TAAR5: variants seen among roughly 807,000 people sequenced by gnomAD.
TAAR5 encodes the protein trace amine-associated receptor 5.
A neutral mutation model predicts 21.1 loss-of-function variants in TAAR5; 27 were observed. The observed-to-expected ratio is 1.28, with a 90% CI of 0.94 to 1.76. The LOEUF (loss-of-function observed/expected upper bound fraction) is 1.76. Ranked by LOEUF, TAAR5 falls within the 40% of genes most tolerant of loss-of-function variation. The pLI is 0.00. For synonymous variants in TAAR5, 203 were observed against 167.5 expected, an observed-to-expected ratio of 1.21 and a Z score of -1.64; for missense variants, 495 against 405.6, an observed-to-expected ratio of 1.22 and a Z score of -1.89.
Position 132,589,315 on chromosome 6 carries a change from A to G in TAAR5, c.372T>C (p.His124=), listed in dbSNP as rs369079294. Residue 124 remains histidine (H), a synonymous_variant, in exon 1 of 1, where the codon CAT becomes CAC. Transcript: ENST00000258034. ...GGCGGTCAATGGAAATGAAACAGAG[A>G]TGGAAGATGGAGGTGAGGCAGAAGA... The part of the protein sequence containing the change: ...DTLFCLTSIF[H]LCFISIDRHC... 52 of 1,613,476 alleles carry G rather than the reference A, an allele frequency of 3.2e-5. No individual in the cohort carries two copies. The highest frequency in any genetic ancestry group is 5.5e-5 in the South Asian group (5 of 90,966).
the TAAR5 span, among the ~76,000 whole-genome samples, chr6:132,615,395 T>C: frequency 0.094 from 14,323 of 152,202 alleles, 1,732 homozygotes; most frequent in African/African-American, 0.28. Flanking sequence ...TGAGAGAATT[T>C]TTATTTTTAC....
chr6:132,610,054 TG>T, the TAAR5 span, among the ~76,000 whole-genome samples: 2 of 152,180 alleles, frequency 1.3e-5, no homozygotes, highest in African/African-American at 4.8e-5. Context: ...GTTCCATCCC[TG>T]AGAGACCAAT....
the TAAR5 span, among the ~76,000 whole-genome samples, chr6:132,603,046 G>A: frequency 2.0e-5 from 3 of 151,966 alleles, no homozygotes; most frequent in Non-Finnish European, 4.4e-5. Context: ...AGTGGCTCAA[G>A]CCTGTAATCA....
chr6:132,602,380 C>T, the TAAR5 span, among the ~76,000 whole-genome samples: 2 of 152,110 alleles, frequency 1.3e-5, no homozygotes, highest in African/African-American at 4.8e-5. Flanking sequence ...TGATGGGAGA[C>T]AGTGACAGAT....
At chr6:132,600,460 G>A in the TAAR5 span, among the ~76,000 whole-genome samples, 2 of 152,238 alleles carry the variant, frequency 1.3e-5, 1 homozygote, top group East Asian at 3.9e-4. Flanking sequence ...TAATGCACAG[G>A]CTCTGAACTC....
the TAAR5 span, among the ~76,000 whole-genome samples, chr6:132,598,072 C>T: frequency 9.9e-5 from 15 of 152,194 alleles, no homozygotes; most frequent in Admixed American, 5.2e-4. Context: ...TAGGGGAGGA[C>T]GTATCATACC....
chr6:132,596,864 A>G, the TAAR5 span, among the ~76,000 whole-genome samples: 3 of 152,242 alleles, frequency 2.0e-5, no homozygotes, highest in South Asian at 2.1e-4. Flanking sequence ...AAATCTTAAT[A>G]TCTAATATTT....
upstream of TAAR5, among the ~76,000 whole-genome samples, chr6:132,593,928 C>T (rs935917216): frequency 1.3e-5 from 2 of 152,184 alleles, no homozygotes; most frequent in Admixed American, 6.5e-5. Context: ...CACTAGCATG[C>T]TCCATAACTC....
At position 132,588,676 on chromosome 6, in the gene TAAR5, T is replaced by C. The variant is rs1433809535; in HGVS notation, c.1011A>G (p.Glu337=). Residue 337 remains glutamate (E), a synonymous_variant, in exon 1 of 1, where the codon GAA becomes GAG. Transcript: ENST00000258034. ...PQTRTVDLYQ[E] ...TGCCTGCATTTAGTAGAAGGAATCA[T>C]TCTTGGTACAAATCAACAGTGCGTG... 6.2e-7 allele frequency: 1 copy of C among 1,609,240 alleles called. No individual in the cohort carries two copies. The highest frequency in any genetic ancestry group is 8.5e-7 in the Non-Finnish European group (1 of 1,177,160).
At position 132,589,406 on chromosome 6, in the gene TAAR5, C is replaced by A. The variant is rs201248908; in HGVS notation, c.281G>T (p.Arg94Leu). 6.2e-7 allele frequency: 1 copy of A among 1,614,046 alleles called. No individual in the cohort carries two copies. The highest frequency in any genetic ancestry group is 1.7e-4 in the Middle Eastern group (1 of 6,056). The change falls in exon 1 of 1, where the codon CGC becomes CTC. Residue 94 changes from arginine to leucine, a missense_variant. Transcript: ENST00000258034. ...GLLVLPLSTI[R>L]SVESCWFFGD... ...GAAGAACCAGCAGCTCTCCACTGAG[C>A]GAATGGTGCTGAGGGGCAGCACCAG... is the stretch of plus-strand genomic sequence containing the variant.
chr6:132,597,836 G>A, the TAAR5 span, among the ~76,000 whole-genome samples: 467 of 152,236 alleles, frequency 3.1e-3, 5 homozygotes, highest in African/African-American at 0.011. Flanking sequence ...AGTTCTTTAA[G>A]GGAGAAGACG....
chr6:132,615,316 AT>A, the TAAR5 span, among the ~76,000 whole-genome samples: 2 of 152,188 alleles, frequency 1.3e-5, no homozygotes, highest in Non-Finnish European at 2.9e-5. Context: ...GGGAGGAATA[AT>A]TGTCTGAATC....
chr6:132,608,669 T>C, the TAAR5 span: 1 of 455,976 alleles, frequency 2.2e-6, no homozygotes, highest in Admixed American at 2.3e-5. Context: ...AAGAAACATG[T>C]AGTGAACAAT....
chr6:132,605,871 A>T, the TAAR5 span, among the ~76,000 whole-genome samples: 270 of 152,302 alleles, frequency 1.8e-3, 2 homozygotes, highest in African/African-American at 6.3e-3. Flanking sequence ...GCCCAAAAAC[A>T]GTTGATTGGA....
chr6:132,608,516 C>T, the TAAR5 span: 1 of 455,048 alleles, frequency 2.2e-6, no homozygotes, highest in Non-Finnish European at 4.4e-6. Flanking sequence ...AGTGTCTTCG[C>T]TGCTTTCCTG....
chr6:132,589,097 T>C lies in TAAR5; in HGVS notation c.590A>G (p.Asn197Ser), dbSNP rs1349155921. Residue 197 changes from asparagine to serine, a missense_variant, in exon 1 of 1, where the codon AAT becomes AGT. Transcript: ENST00000258034. Reference protein sequence around the residue: ...PCVGSCQLLLNKFWGWLNFPL... With the variant: ...PCVGSCQLLLSKFWGWLNFPL... ...GAAGTTTAACCAGCCCCAAAATTTA[T>C]TGAGCAGCAGCTGGCAACTGCCCAC... 6.2e-7 allele frequency: 1 copy of C among 1,614,048 alleles called. No individual in the cohort carries two copies. Among genetic ancestry groups the C allele is most frequent in the East Asian group, 2.2e-5 (1 of 44,838 alleles).
chr6:132,606,300 G>A, the TAAR5 span, among the ~76,000 whole-genome samples: 2 of 152,036 alleles, frequency 1.3e-5, no homozygotes, highest in African/African-American at 2.4e-5. Flanking sequence ...AAATAAATAA[G>A]TAGAGAAACA....
chr6:132,611,051 G>T, the TAAR5 span, among the ~76,000 whole-genome samples: 826 of 152,218 alleles, frequency 5.4e-3, 54 homozygotes, highest in East Asian at 0.14. Flanking sequence ...TGCAGTCCTG[G>T]GACATGCCTG....
upstream of TAAR5, chr6:132,594,265 C>G (rs2114581138): frequency 6.6e-6 from 1 of 152,196 alleles, no homozygotes; most frequent in South Asian, 2.1e-4. Context: ...ATAACTCCTA[C>G]CTAGATGTTC....
Sources: gnomAD v4.1 joint callset for allele counts (sites outside exome capture counted in the v4.1 genomes callset) on GRCh38, gnomAD v4.1.1 for gene constraint, MANE v1.5 for transcripts, NCBI Gene and HGNC (gene_info 2026-07-23, HGNC 2026-07-21) for gene names.